The following USP34 variants were observed in gnomAD, a reference collection of about 807,000 sequenced individuals.
USP34 encodes the protein ubiquitin carboxyl-terminal hydrolase 34.
Under a neutral mutation model 460.3 loss-of-function variants are expected in USP34, and 70 were observed. The ratio of observed to expected loss-of-function variants is 0.15; its 90% CI spans 0.13 to 0.19. The LOEUF (loss-of-function observed/expected upper bound fraction) is 0.19. Among genes scored for constraint, USP34 ranks in the 10% least tolerant of loss-of-function variants. The probability of loss-of-function intolerance (pLI) is 1.00; values close to 1 mark genes in which losing one functional copy is unlikely to be tolerated. For missense variants in USP34, 3,985 were observed against 4,236.2 expected (o/e 0.94, Z 1.65); for synonymous variants, 1,647 against 1,405.3 (o/e 1.17, Z -3.85).
chr2:61,332,428 T>C (rs1427141103), intron 19 of USP34, among the ~76,000 whole-genome samples: 2 of 152,020 alleles, frequency 1.3e-5, no homozygotes, highest in Non-Finnish European at 1.5e-5. Flanking sequence ...ATTAAGCTTA[T>C]TTACATTTAA....
intron 78 of USP34, 44 bp from the exon 79 acceptor site, chr2:61,189,113 A>G (rs1217996733): frequency 2.5e-6 from 4 of 1,584,786 alleles, no homozygotes; most frequent in Non-Finnish European, 3.4e-6. Context: ...TAAAGCCAAC[A>G]CTTTGATGCA....
chr2:61,341,241 T>A (rs570723008), intron 16 of USP34, among the ~76,000 whole-genome samples: 1 of 152,220 alleles, frequency 6.6e-6, no homozygotes, highest in African/African-American at 2.4e-5. Flanking sequence ...TTGGAAGGCC[T>A]TCTGAATAAA....
chr2:61,468,465 G>C (rs1573077163), intron 1 of USP34, among the ~76,000 whole-genome samples: 1 of 152,246 alleles, frequency 6.6e-6, no homozygotes, highest in Non-Finnish European at 1.5e-5. Flanking sequence ...TTACAGGCGT[G>C]AGCCACTGCG....
At chr2:61,447,253 CCAAAAAAA>C (rs1219186691) in intron 1 of USP34, among the ~76,000 whole-genome samples, 2 of 29,718 alleles carry the variant, frequency 6.7e-5, no homozygotes, top group African/African-American at 2.9e-4. Flanking sequence ...AAACTGTCTT[CCAAAAAAA>C]AAAAAAAAAA....
At chr2:61,445,396 G>C (rs764645886) in intron 1 of USP34, among the ~76,000 whole-genome samples, 16 of 151,782 alleles carry the variant, frequency 1.1e-4, no homozygotes, top group African/African-American at 3.9e-4. Context: ...TTAGCGGGGC[G>C]TGGTGGCAAG....
intron 58 of USP34, among the ~76,000 whole-genome samples, chr2:61,231,335 G>C (rs900817829): frequency 1.3e-5 from 2 of 152,230 alleles, no homozygotes; most frequent in South Asian, 4.1e-4. Flanking sequence ...TTAGGTAGTA[G>C]TGATGGCTGC....
chr2:61,445,613 A>C (rs1038314339), intron 1 of USP34, among the ~76,000 whole-genome samples: 2 of 152,028 alleles, frequency 1.3e-5, no homozygotes, highest in African/African-American at 4.8e-5. Flanking sequence ...AGAGCAACAG[A>C]AAGAGTAAAT....
chr2:61,410,014 C>T (rs1225531077), intron 2 of USP34, among the ~76,000 whole-genome samples: 3 of 152,124 alleles, frequency 2.0e-5, no homozygotes, highest in African/African-American at 7.2e-5. Flanking sequence ...ATTCTCAATA[C>T]GGCGTTTCCC....
At chr2:61,281,383 A>G in intron 37 of USP34, 141 bp from the exon 38 acceptor site, 1 of 1,100,364 alleles carries the variant, frequency 9.1e-7, no homozygotes, top group Non-Finnish European at 1.3e-6. Flanking sequence ...AGGCCCAGGC[A>G]GGAGGATAAC....
At chr2:61,206,949 G>C (rs1687137368) in intron 70 of USP34, 63 bp from the exon 71 acceptor site, 1 of 1,538,486 alleles carries the variant, frequency 6.5e-7, no homozygotes, top group Non-Finnish European at 8.9e-7. Flanking sequence ...CCACAAAATG[G>C]TAGTACTCGT....
intron 39 of USP34, 36 bp downstream of exon 39, chr2:61,280,208 G>C (rs1445938834): frequency 2.5e-6 from 3 of 1,178,988 alleles, no homozygotes; most frequent in Non-Finnish European, 3.6e-6. Context: ...AACAAGAAGA[G>C]AATACATAGA....
At chr2:61,311,019 T>C (rs1303351411) in intron 27 of USP34, among the ~76,000 whole-genome samples, 2 of 152,032 alleles carry the variant, frequency 1.3e-5, no homozygotes, top group Non-Finnish European at 2.9e-5. Flanking sequence ...GAATCAATGG[T>C]ACTAAAGGGA....
chr2:61,302,042 A>G (rs1690243158), intron 27 of USP34, among the ~76,000 whole-genome samples: 1 of 152,236 alleles, frequency 6.6e-6, no homozygotes. Context: ...CCAGTTCCAC[A>G]AGGGCAGAGG....
intron 34 of USP34, among the ~76,000 whole-genome samples, chr2:61,285,495 A>C (rs2103965775): frequency 6.6e-6 from 1 of 151,582 alleles, no homozygotes; most frequent in East Asian, 1.9e-4. Flanking sequence ...TCAAAAAAAA[A>C]AAAAAAAAAG....
chr2:61,449,772 G>A (rs540680853), intron 1 of USP34, among the ~76,000 whole-genome samples: 1 of 152,160 alleles, frequency 6.6e-6, no homozygotes, highest in Non-Finnish European at 1.5e-5. Context: ...TCATGCAAAA[G>A]AATGAAGTTG....
chr2:61,202,210 G>C (rs763873989), intron 75 of USP34, among the ~76,000 whole-genome samples: 5 of 152,166 alleles, frequency 3.3e-5, no homozygotes, highest in African/African-American at 1.2e-4. Flanking sequence ...GCCCTACCTG[G>C]AATGTATCAA....
intron 8 of USP34, among the ~76,000 whole-genome samples, chr2:61,375,213 C>T (rs527939554): frequency 6.6e-6 from 1 of 152,100 alleles, no homozygotes; most frequent in African/African-American, 2.4e-5. Context: ...ACTTTACACC[C>T]CCTAAATGGC....
At chr2:61,216,864 G>A (rs985397913) in intron 67 of USP34, among the ~76,000 whole-genome samples, 1 of 151,338 alleles carries the variant, frequency 6.6e-6, no homozygotes, top group Non-Finnish European at 1.5e-5. Flanking sequence ...GCTGCAGTGA[G>A]CTGAGATTGC....
chr2:61,189,204 T>A, intron 78 of USP34, 135 bp from the exon 79 acceptor site: 1 of 917,262 alleles, frequency 1.1e-6, no homozygotes, highest in Non-Finnish European at 1.6e-6. Flanking sequence ...TCTGGGATTC[T>A]TAGAATGATA....
Sources: gnomAD v4.1 joint callset for allele counts (sites outside exome capture counted in the v4.1 genomes callset) on GRCh38, gnomAD v4.1.1 for gene constraint, MANE v1.5 for transcripts, NCBI Gene and HGNC (gene_info 2026-07-23, HGNC 2026-07-21) for gene names.